Variants in DLGAP1 observed in about 807,000 individuals in gnomAD.
The protein encoded by DLGAP1 is disks large-associated protein 1.
DLGAP1 carries 11 observed loss-of-function variants against 90.8 expected under a neutral mutation model. That is an observed-to-expected ratio of 0.12 (90% CI 0.08 to 0.20). The LOEUF (loss-of-function observed/expected upper bound fraction) is 0.20. Among genes scored for constraint, DLGAP1 ranks in the 10% least tolerant of loss-of-function variants. The probability of loss-of-function intolerance (pLI) is 1.00; values close to 1 mark genes in which losing one functional copy is unlikely to be tolerated. For synonymous variants in DLGAP1, 558 were observed against 540.7 expected (o/e 1.03, Z -0.44); for missense variants, 1,050 against 1,333.8 (o/e 0.79, Z 3.31).
intron 3 of DLGAP1, among the ~76,000 whole-genome samples, chr18:3,966,151 G>A (rs940308957): frequency 2.0e-5 from 3 of 152,076 alleles, no homozygotes; most frequent in African/African-American, 7.2e-5. Flanking sequence ...GCGGTTGGAG[G>A]GGAGCACTAC....
intron 7 of DLGAP1, chr18:3,722,521 C>A (rs913658360): frequency 6.6e-6 from 1 of 152,050 alleles, no homozygotes; most frequent in Non-Finnish European, 1.5e-5. Context: ...GCTCTTTTTT[C>A]TTTCGTCTGA....
Position 3,499,104 on chromosome 18 carries a change from A to AG in DLGAP1, c.*80dup. On this transcript the variant is annotated 3_prime_UTR_variant, in exon 13 of 13. Coordinates refer to ENST00000315677, the MANE Select transcript of DLGAP1 (RefSeq NM_004746.4). The surrounding 1 kb of genome is among the most constrained non-coding windows in gnomAD (Gnocchi z 6.4). ...CGAGCTCGGGAGCGGACGGGCTCGGAGGGGGAGAGGCAGCCGGCAGAGGAG... is the reference window on the plus strand; with the variant it reads ...CGAGCTCGGGAGCGGACGGGCTCGGAGGGGGGAGAGGCAGCCGGCAGAGGAG... The AG allele has an allele frequency of 2.4e-6, 3 of 1,237,666 alleles. No individual in the cohort carries two copies. Among genetic ancestry groups the AG allele is most frequent in the Admixed American group, 3.3e-5 (1 of 30,028 alleles). 76.7% of individuals were successfully genotyped at this position (1,237,666 alleles called of 1,614,324 possible).
At chr18:3,816,754 C>A (rs2067127131) in intron 4 of DLGAP1, among the ~76,000 whole-genome samples, 1 of 152,074 alleles carries the variant, frequency 6.6e-6, no homozygotes, top group Admixed American at 6.6e-5. Context: ...TAAGAAGGGG[C>A]TGAGTTTCAA....
At chr18:4,074,693 C>T (rs146299605) in intron 2 of DLGAP1, among the ~76,000 whole-genome samples, 73 of 152,142 alleles carry the variant, frequency 4.8e-4, no homozygotes, top group Admixed American at 3.4e-3. Flanking sequence ...AGCTCATCTA[C>T]GATCATACAG....
intron 2 of DLGAP1, among the ~76,000 whole-genome samples, chr18:4,118,138 T>A (rs1050356967): frequency 6.6e-6 from 1 of 152,162 alleles, no homozygotes; most frequent in Non-Finnish European, 1.5e-5. Flanking sequence ...CCTTCTGAAT[T>A]GCTCTCCAAC....
rs180710446 is a variant in DLGAP1 at position 3,822,477 on chromosome 18, T to A, written c.958-8204A>T. ...CTCTGGTGTTAAAGGAGTTTATAAG[T>A]TTTGAGTGGATCTGGTGAATCTGGA... On this transcript the variant is annotated intron_variant, in intron 4 of 12. Transcript: ENST00000315677. Among the ~76,000 whole-genome samples the A allele has an allele frequency of 1.1e-3, 163 of 152,144 alleles. 1 individual carries two copies. Among genetic ancestry groups the A allele is most frequent in the African/African-American group, 3.8e-3 (159 of 41,498 alleles).
intron 3 of DLGAP1, among the ~76,000 whole-genome samples, chr18:3,961,364 C>G (rs184259146): frequency 1.3e-5 from 2 of 152,188 alleles, no homozygotes; most frequent in African/African-American, 2.4e-5. Context: ...TTTTCTGAAG[C>G]CTTTTTGCAA....
chr18:3,559,495 T>C (rs146531351), intron 9 of DLGAP1, among the ~76,000 whole-genome samples: 2,824 of 152,264 alleles, frequency 0.019, 92 homozygotes, highest in African/African-American at 0.065. Context: ...TAGTTTTCTA[T>C]TGAGCATTTA....
In DLGAP1 at chr18:3,729,318, C is replaced by T. The variant is rs771259225; in HGVS notation, c.1408G>A (p.Glu470Lys). Reference protein sequence around the residue: ...FESVCESVFSELESQAVEALD... With the variant: ...FESVCESVFSKLESQAVEALD... ...GCTTCCACGGCCTGCGACTCCAGCT[C>T]GCTGAACACGGACTCGCACACGGAC... Residue 470 changes from glutamate (E) to lysine (K), a missense_variant, in exon 7 of 13, where the codon GAG becomes AAG. Transcript: ENST00000315677. The surrounding 1 kb of genome is among the most constrained non-coding windows in gnomAD (Gnocchi z 6.2). 4 of 1,614,148 alleles carry T rather than the reference C, an allele frequency of 2.5e-6. No individual in the cohort carries two copies. The highest frequency in any genetic ancestry group is 3.4e-6 in the Non-Finnish European group (4 of 1,179,994).
intron 7 of DLGAP1, among the ~76,000 whole-genome samples, chr18:3,609,805 C>G (rs1429302066): frequency 1.3e-5 from 2 of 151,612 alleles, no homozygotes; most frequent in Non-Finnish European, 2.9e-5. Context: ...CGCCTTTAAT[C>G]CCAGCACTTT....
chr18:3,707,352 C>G (rs558396802), intron 7 of DLGAP1, among the ~76,000 whole-genome samples: 2 of 152,254 alleles, frequency 1.3e-5, no homozygotes, highest in Admixed American at 6.5e-5. Context: ...AATCCCAGCA[C>G]TTTAGAAGGC....
chr18:3,903,527 G>A (rs1007965158), intron 3 of DLGAP1, among the ~76,000 whole-genome samples: 2 of 152,140 alleles, frequency 1.3e-5, no homozygotes, highest in African/African-American at 4.8e-5. Context: ...GGGGAAAATG[G>A]TCCTAGGGTT....
intron 1 of DLGAP1, among the ~76,000 whole-genome samples, chr18:4,349,245 T>G (rs2081360174): frequency 6.6e-6 from 1 of 152,074 alleles, no homozygotes; most frequent in African/African-American, 2.4e-5. Flanking sequence ...AACCTGAATT[T>G]AATCATGAAC....
chr18:3,822,524 A>G (rs1019181159), intron 4 of DLGAP1, among the ~76,000 whole-genome samples: 3 of 152,204 alleles, frequency 2.0e-5, no homozygotes, highest in African/African-American at 7.2e-5. Context: ...GGAAACGAGT[A>G]AAGAGCAGCT....
At chr18:4,112,161 T>A (rs959662092) in intron 2 of DLGAP1, among the ~76,000 whole-genome samples, 8 of 152,102 alleles carry the variant, frequency 5.3e-5, no homozygotes, top group African/African-American at 1.9e-4. Context: ...ATTTCCCTTG[T>A]GACTTCTGTC....
At chr18:3,953,976 T>TCAC (rs2073037318) in intron 3 of DLGAP1, among the ~76,000 whole-genome samples, 1 of 152,222 alleles carries the variant, frequency 6.6e-6, no homozygotes, top group African/African-American at 2.4e-5. Flanking sequence ...TTTATCATCA[T>TCAC]CACCATCGGA....
intron 11 of DLGAP1, among the ~76,000 whole-genome samples, chr18:3,505,441 A>C (rs1222696817): frequency 6.6e-6 from 1 of 151,948 alleles, no homozygotes; most frequent in Non-Finnish European, 1.5e-5. Context: ...GTTCGAGACC[A>C]GCCTGGCCAA....
At chr18:4,151,635 A>G (rs539337371) in intron 1 of DLGAP1, among the ~76,000 whole-genome samples, 2 of 152,364 alleles carry the variant, frequency 1.3e-5, no homozygotes, top group Admixed American at 6.5e-5. Flanking sequence ...ATGCGATTGT[A>G]TTCACTTCCT....
At chr18:3,600,732 A>ATATATCTATATATC (rs2056867753) in intron 7 of DLGAP1, among the ~76,000 whole-genome samples, 1 of 33,962 alleles carries the variant, frequency 2.9e-5, no homozygotes, top group Non-Finnish European at 5.3e-5. Context: ...AGATATAGAT[A>ATATATCTATATATC]TATATAGATA....
Sources: gnomAD v4.1 joint callset for allele counts (sites outside exome capture counted in the v4.1 genomes callset) on GRCh38, gnomAD v4.1.1 for gene constraint, Gnocchi (gnomAD v3.1) non-coding constraint, MANE v1.5 for transcripts, NCBI Gene and HGNC (gene_info 2026-07-23, HGNC 2026-07-21) for gene names.